Variants in MAP2K6 observed in about 807,000 individuals in gnomAD.
MAP2K6 encodes dual specificity mitogen-activated protein kinase kinase 6.
Under a neutral mutation model 53.7 loss-of-function variants are expected in MAP2K6, and 16 were observed. The observed-to-expected ratio is 0.30, with a 90% CI of 0.20 to 0.45. MAP2K6 has a LOEUF of 0.45. Among genes scored for constraint, MAP2K6 ranks in the 20% least tolerant of loss-of-function variants. The probability of loss-of-function intolerance (pLI) is 1.00; values close to 1 mark genes in which losing one functional copy is unlikely to be tolerated. For missense variants in MAP2K6, 204 were observed against 411.9 expected (o/e 0.50, Z 4.37); for synonymous variants, 132 against 143.1 (o/e 0.92, Z 0.55).
chr17:69,470,350 A>G (rs1347727057), intron 1 of MAP2K6, among the ~76,000 whole-genome samples: 1 of 152,204 alleles, frequency 6.6e-6, no homozygotes, highest in Non-Finnish European at 1.5e-5. Flanking sequence ...AAACCAGGCA[A>G]AAGTAGCATG....
chr17:69,518,112 C>T (rs554191403), intron 4 of MAP2K6, among the ~76,000 whole-genome samples: 87 of 152,250 alleles, frequency 5.7e-4, no homozygotes, highest in Admixed American at 1.1e-3. Flanking sequence ...ATCACTTGAA[C>T]CCGGGAGGTG....
At chr17:69,481,154 C>G (rs1464058233) in intron 1 of MAP2K6, among the ~76,000 whole-genome samples, 1 of 152,042 alleles carries the variant, frequency 6.6e-6, no homozygotes, top group African/African-American at 2.4e-5. Context: ...GTTTTTTCCC[C>G]CTCCTCCAGC....
chr17:69,438,847 A>C lies in MAP2K6; in HGVS notation c.16+23847A>C, dbSNP rs532840910. Reference sequence around the variant, plus strand: ...AGGTCTTTCCACCTTAGCCTCCCAAAGTGCTGGGATTGCAGGCATGAGCCA... The same window carrying C: ...AGGTCTTTCCACCTTAGCCTCCCAACGTGCTGGGATTGCAGGCATGAGCCA... On this transcript the variant is annotated intron_variant, in intron 1 of 11. Coordinates refer to ENST00000590474, the MANE Select transcript of MAP2K6 (RefSeq NM_002758.4). Among the ~76,000 whole-genome samples the C allele has an allele frequency of 2.0e-5, 3 of 152,324 alleles. No individual in the cohort carries two copies. In the East Asian group the frequency reaches 5.8e-4, roughly 29 times the overall value.
intron 1 of MAP2K6, chr17:69,504,598 A>G (rs2145220741): frequency 6.6e-6 from 1 of 152,314 alleles, no homozygotes; most frequent in East Asian, 1.9e-4. Context: ...CTTTCCAGCC[A>G]TTCTATGCAG....
chr17:69,460,781 G>A (rs1199016834), intron 1 of MAP2K6, among the ~76,000 whole-genome samples: 3 of 152,100 alleles, frequency 2.0e-5, no homozygotes, highest in African/African-American at 7.2e-5. Flanking sequence ...TGGTGTTTTT[G>A]TAGAGAGGGG....
At chr17:69,513,611 A>C (rs1316276058) in intron 2 of MAP2K6, among the ~76,000 whole-genome samples, 1 of 152,080 alleles carries the variant, frequency 6.6e-6, no homozygotes, top group East Asian at 1.9e-4. Context: ...TGGGCCACAG[A>C]GGATGCCGTT....
At chr17:69,525,083 C>CAGGA in intron 9 of MAP2K6, 105 bp downstream of exon 9, 1 of 865,978 alleles carries the variant, frequency 1.2e-6, no homozygotes, top group South Asian at 1.4e-5. Context: ...TGGTTTGGGG[C>CAGGA]GCCCTCTCCT....
intron 1 of MAP2K6, among the ~76,000 whole-genome samples, chr17:69,431,114 T>A (rs986343563): frequency 6.6e-6 from 1 of 152,216 alleles, no homozygotes; most frequent in African/African-American, 2.4e-5. Flanking sequence ...TCTCAAAACC[T>A]GGGCAGTAGG....
chr17:69,438,923 T>A (rs966969953), intron 1 of MAP2K6, among the ~76,000 whole-genome samples: 27 of 152,164 alleles, frequency 1.8e-4, no homozygotes, highest in African/African-American at 6.3e-4. Flanking sequence ...CAAAAGAATA[T>A]TTTATGAACC....
At chr17:69,523,894 C>T (rs2716207) in intron 8 of MAP2K6, among the ~76,000 whole-genome samples, 97,554 of 152,054 alleles carry the variant, frequency 0.64, 31,934 homozygotes, top group African/African-American at 0.77. Flanking sequence ...AGAAATTTAT[C>T]TCTCACAGTT....
intron 1 of MAP2K6, among the ~76,000 whole-genome samples, chr17:69,460,181 T>A (rs572551627): frequency 6.6e-6 from 1 of 152,292 alleles, no homozygotes; most frequent in African/African-American, 2.4e-5. Flanking sequence ...CATGGGGCAG[T>A]CCTGTCATCA....
intron 2 of MAP2K6, among the ~76,000 whole-genome samples, chr17:69,514,625 G>A (rs1335566815): frequency 6.6e-6 from 1 of 151,744 alleles, no homozygotes. Flanking sequence ...GCAGTGGCAC[G>A]ATCTTGGCTC....
chr17:69,521,022 T>C, intron 6 of MAP2K6, 27 bp from the exon 7 acceptor site: 4 of 1,555,280 alleles, frequency 2.6e-6, no homozygotes, highest in Non-Finnish European at 3.5e-6. Flanking sequence ...ATGTGATAAA[T>C]AAATCTATCT....
chr17:69,423,258 A>G (rs1316320726), intron 1 of MAP2K6, among the ~76,000 whole-genome samples: 1 of 152,206 alleles, frequency 6.6e-6, no homozygotes, highest in Non-Finnish European at 1.5e-5. Flanking sequence ...AAAAAAATCA[A>G]AATCAATGTT....
chr17:69,496,962 C>G (rs551973176), intron 1 of MAP2K6, among the ~76,000 whole-genome samples: 1 of 152,258 alleles, frequency 6.6e-6, no homozygotes, highest in South Asian at 2.1e-4. Flanking sequence ...ATTACCACTA[C>G]TATTACTAGT....
chr17:69,550,459 A>G lies in MAP2K6; in HGVS notation c.*8706A>G, dbSNP rs1272796281. The G allele has an allele frequency of 1.3e-5, 2 of 152,248 alleles. No individual in the cohort carries two copies. Among genetic ancestry groups the G allele is most frequent in the Admixed American group, 6.5e-5 (1 of 15,280 alleles). 9.4% of individuals were successfully genotyped at this position (152,248 alleles called of 1,614,324 possible). A position where few individuals can be genotyped will look rare whatever the true frequency, so the allele number is the denominator to read the frequency against. ...GAACTGTGAATGTACTTAGAAATACACTACAGGTCTTCACCAGATGAACTA... is the reference window on the plus strand; with the variant it reads ...GAACTGTGAATGTACTTAGAAATACGCTACAGGTCTTCACCAGATGAACTA... On this transcript the variant is annotated 3_prime_UTR_variant, in exon 12 of 12. Coordinates refer to ENST00000590474, the MANE Select transcript of MAP2K6 (RefSeq NM_002758.4).
At chr17:69,455,121 A>G (rs866845604) in intron 1 of MAP2K6, among the ~76,000 whole-genome samples, 17 of 151,396 alleles carry the variant, frequency 1.1e-4, no homozygotes, top group African/African-American at 4.1e-4. Context: ...TTTAATGCCT[A>G]TTGCAACTTC....
intron 1 of MAP2K6, among the ~76,000 whole-genome samples, chr17:69,421,225 T>G (rs1339166384): frequency 2.0e-5 from 3 of 152,200 alleles, no homozygotes; most frequent in East Asian, 1.9e-4. Context: ...TTCTTGTGCT[T>G]CTTCTTTGTT....
chr17:69,497,463 T>C (rs952102947), intron 1 of MAP2K6, among the ~76,000 whole-genome samples: 4 of 151,796 alleles, frequency 2.6e-5, no homozygotes, highest in Non-Finnish European at 4.4e-5. Context: ...TATGCATGAG[T>C]GTGTGTGTAG....
Sources: allele counts gnomAD v4.1 joint callset (sites outside exome capture counted in the v4.1 genomes callset), GRCh38; gene constraint gnomAD v4.1.1; transcripts MANE v1.5; gene names NCBI Gene and HGNC (gene_info 2026-07-23, HGNC 2026-07-21).